Variants in GYG2 observed in about 807,000 individuals in gnomAD.
The protein encoded by GYG2 is glycogenin-2.
In GYG2, 29 loss-of-function variants were observed where a neutral mutation model predicts 29.4. That is an observed-to-expected ratio of 0.99 (90% CI 0.74 to 1.35). The LOEUF (loss-of-function observed/expected upper bound fraction) is 1.35, where lower values mean the gene tolerates loss of function less well. Among genes scored for constraint, GYG2 ranks in the 40% most tolerant of loss-of-function variants. GYG2 has a pLI of 0.00. For synonymous variants in GYG2, 167 were observed against 172.3 expected (o/e 0.97, Z 0.24); for missense variants, 370 against 385.7 (o/e 0.96, Z 0.34).
intron 8 of GYG2, among the ~76,000 whole-genome samples, chrX:2,864,949 G>C (rs2088264035): frequency 9.0e-6 from 1 of 110,591 alleles, no homozygotes; most frequent in South Asian, 3.9e-4. Context: ...AGTAAAGACC[G>C]GGTTTCACCA....
intron 6 of GYG2, among the ~76,000 whole-genome samples, chrX:2,859,451 A>T (rs1000704173): frequency 6.3e-5 from 7 of 110,949 alleles, no homozygotes; most frequent in Non-Finnish European, 1.1e-4. Context: ...TATATTGAGT[A>T]CTATGTTGAT....
chrX:2,881,146 G>T lies in GYG2; in HGVS notation c.1346G>T (p.Arg449Leu). 8.3e-7 allele frequency: 1 copy of T among 1,206,431 alleles called. No individual in the cohort carries two copies. The highest frequency in any genetic ancestry group is 1.7e-5 in the African/African-American group (1 of 57,686). Residue 449 changes from arginine (R) to leucine (L), a missense_variant, in exon 11 of 11, where the codon CGT becomes CTT. Physicochemically the swap from Arg to Leu is moderately radical, Grantham distance 102 (BLOSUM62 -2). Coordinates refer to ENST00000398806, the MANE Select transcript of GYG2 (RefSeq NM_001079855.2). ...EEERRKWEEG[R>L]IDYMGKDAFA... The stretch of plus-strand genomic sequence containing the variant: ...GAGAGGAGGAAGTGGGAGGAAGGCC[G>T]TATCGACTACATGGGGAAGGACGCG...
intron 8 of GYG2, among the ~76,000 whole-genome samples, chrX:2,872,794 C>T (rs1005584735): frequency 8.9e-6 from 1 of 111,944 alleles, no homozygotes; most frequent in African/African-American, 3.2e-5. Context: ...CAATAAGTGT[C>T]TGTGTGACAT....
intron 3 of GYG2, among the ~76,000 whole-genome samples, chrX:2,847,970 A>G (rs765987419): frequency 1.8e-5 from 2 of 111,628 alleles, no homozygotes; most frequent in Non-Finnish European, 3.8e-5. Flanking sequence ...ATATCTCCAC[A>G]TGTTGATGAA....
chrX:2,857,647 GATGT>G (rs952082323), intron 6 of GYG2, among the ~76,000 whole-genome samples: 35 of 109,651 alleles, frequency 3.2e-4, no homozygotes, highest in Non-Finnish European at 4.9e-4. Flanking sequence ...TTAATACATA[GATGT>G]ATCTATCTAT....
At chrX:2,847,533 CA>C (rs34368863) in intron 3 of GYG2, among the ~76,000 whole-genome samples, 26,949 of 55,919 alleles carry the variant, frequency 0.48, 5,817 homozygotes, top group Non-Finnish European at 0.57. Flanking sequence ...ACTAAAAGTA[CA>C]AAAAAAAAAA....
rs1164661918 is a variant in GYG2 at position 2,856,723 on chromosome X, AT to A, written c.614+100del. 70 of 234,871 alleles carry A rather than the reference AT, an allele frequency of 3.0e-4. No homozygotes were observed. The African/African-American group carries it at 5.5e-3, about 18-fold the overall frequency. 19.4% of individuals were successfully genotyped at this position (234,871 alleles called of 1,213,427 possible). A position where few individuals can be genotyped will look rare whatever the true frequency, so the allele number is the denominator to read the frequency against. On this transcript the variant is annotated intron_variant, in intron 6 of 10. Transcript: ENST00000398806. ...AGCTGTCGGCATATTTAAAAACTCT[AT>A]CTATCTATCTATCATCTATCTATCT...
chrX:2,881,198 C>T lies in GYG2; in HGVS notation c.1398C>T (p.Asp466=), dbSNP rs1279626795. 7.6e-6 allele frequency: 9 copies of T among 1,187,141 alleles called. No individual in the cohort carries two copies. Among genetic ancestry groups the T allele is most frequent in the Admixed American group, 4.7e-5 (2 of 42,932 alleles). Reference sequence around the variant, plus strand: ...TTGCTCGCATCCAGGAGAAGCTGGACCGGTTCCTGCAGTAATCCGGCAGCT... The same window carrying T: ...TTGCTCGCATCCAGGAGAAGCTGGATCGGTTCCTGCAGTAATCCGGCAGCT... ...DAFARIQEKL[D]RFLQ The change falls in exon 11 of 11, where the codon GAC becomes GAT. Residue 466 remains aspartate (D), a synonymous_variant. Transcript: ENST00000398806.
At chrX:2,879,429 G>A (rs1278698410) in intron 10 of GYG2, among the ~76,000 whole-genome samples, 1 of 110,146 alleles carries the variant, frequency 9.1e-6, no homozygotes, top group East Asian at 2.9e-4. Context: ...GACCAAGCCC[G>A]GCTAATTTTT....
chrX:2,869,074 C>T (rs73435411), intron 8 of GYG2, among the ~76,000 whole-genome samples: 1,921 of 110,276 alleles, frequency 0.017, 28 homozygotes, highest in African/African-American at 0.06. Context: ...GCTCACCCTC[C>T]GCATCTATGG....
At chrX:2,861,821 T>A in intron 8 of GYG2, 99 bp downstream of exon 8, 1 of 637,772 alleles carries the variant, frequency 1.6e-6, no homozygotes, top group Non-Finnish European at 2.5e-6. Flanking sequence ...GGAGGGGAGA[T>A]GGAGGGGAAG....
At chrX:2,870,351 G>A (rs904461837) in intron 8 of GYG2, among the ~76,000 whole-genome samples, 6 of 110,412 alleles carry the variant, frequency 5.4e-5, no homozygotes, top group East Asian at 5.7e-4. Context: ...ACAGGCATCC[G>A]CCACTACACC....
chrX:2,844,017 A>T (rs1167781260), intron 3 of GYG2, among the ~76,000 whole-genome samples: 1 of 112,178 alleles, frequency 8.9e-6, no homozygotes, highest in Non-Finnish European at 1.9e-5. Flanking sequence ...TACATAAATA[A>T]ATGCGTCTAA....
intron 3 of GYG2, among the ~76,000 whole-genome samples, chrX:2,849,782 T>G (rs1339756961): frequency 1.8e-5 from 2 of 111,489 alleles, no homozygotes; most frequent in Non-Finnish European, 3.8e-5. Flanking sequence ...GAGGAAAAAG[T>G]TAGTTGATTG....
chrX:2,829,652 A>T (rs1204800144), intron 1 of GYG2, among the ~76,000 whole-genome samples: 1 of 94,029 alleles, frequency 1.1e-5, no homozygotes, highest in African/African-American at 4.1e-5. Context: ...CCGGGAGCGC[A>T]GGGGTGGTCC....
chrX:2,873,738 C>T (rs12011646), intron 8 of GYG2, among the ~76,000 whole-genome samples: 3,478 of 111,135 alleles, frequency 0.031, 50 homozygotes, highest in Middle Eastern at 0.08. Flanking sequence ...ATTCTAAGCA[C>T]CCCGCCCCCA....
At chrX:2,830,886 A>C (rs1211567225) in intron 2 of GYG2, among the ~76,000 whole-genome samples, 1 of 112,254 alleles carries the variant, frequency 8.9e-6, no homozygotes, top group East Asian at 2.8e-4. Context: ...GCACCACTGC[A>C]CTCCAGCTTG....
rs144908325 is a variant in GYG2 at position 2,837,127 on chromosome X, G to A, written c.8-6086G>A. Among the ~76,000 whole-genome samples the A allele has an allele frequency of 3.6e-3, 408 of 111,900 alleles. 1 individual carries two copies. The highest frequency in any genetic ancestry group is 0.013 in the African/African-American group (399 of 30,828). On this transcript the variant is annotated intron_variant, in intron 2 of 10. Transcript: ENST00000398806. ...CATGTCATAAATGCTCTGCACAGAC[G>A]AGGCTTCTGGGACTCTTGGGGAGAC...
At chrX:2,879,273 T>TC (rs2088665033) in intron 10 of GYG2, among the ~76,000 whole-genome samples, 1 of 103,638 alleles carries the variant, frequency 9.6e-6, no homozygotes, top group African/African-American at 3.5e-5. Flanking sequence ...CTATTTTCTT[T>TC]TTTTTTTTTT....
Sources: gnomAD v4.1 joint callset for allele counts (sites outside exome capture counted in the v4.1 genomes callset) on GRCh38, gnomAD v4.1.1 for gene constraint, MANE v1.5 for transcripts, NCBI Gene and HGNC (gene_info 2026-07-23, HGNC 2026-07-21) for gene names.